IGFL2: variants seen among roughly 807,000 people sequenced by gnomAD.
The protein encoded by IGFL2 is IGF like family member 2.
Under a neutral mutation model 13.9 loss-of-function variants are expected in IGFL2, and 7 were observed. The ratio of observed to expected loss-of-function variants is 0.51; its 90% CI spans 0.29 to 0.95. IGFL2 has a LOEUF of 0.95. Ranked by LOEUF, IGFL2 falls within the 40% of genes least tolerant of loss-of-function variation. The pLI is 0.08. For synonymous variants in IGFL2, 55 were observed against 55.8 expected (o/e 0.99, Z 0.07); for missense variants, 138 against 147.8 (o/e 0.93, Z 0.34).
chr19:46,148,930 C>A, intron 1 of IGFL2: 1 of 1,558,018 alleles, frequency 6.4e-7, no homozygotes, highest in South Asian at 1.2e-5. Flanking sequence ...CCAGACCCAG[C>A]CCTGTAGCCC....
the IGFL2 span, among the ~76,000 whole-genome samples, chr19:46,098,638 C>T: frequency 6.6e-6 from 1 of 152,134 alleles, no homozygotes; most frequent in Admixed American, 6.5e-5. Flanking sequence ...GCCACCATGC[C>T]TGGCTAATTT....
the IGFL2 span, among the ~76,000 whole-genome samples, chr19:46,085,960 T>C: frequency 1.3e-5 from 2 of 152,330 alleles, no homozygotes; most frequent in Non-Finnish European, 2.9e-5. Flanking sequence ...ATTTTATTGC[T>C]TTAATAGTGC....
At chr19:46,138,323 C>G (rs1253719171), upstream of IGFL2, among the ~76,000 whole-genome samples, 2 of 152,224 alleles carry the variant, frequency 1.3e-5, no homozygotes, top group Admixed American at 6.5e-5. Flanking sequence ...GCTGCATCGT[C>G]TAACCCTGGG....
At chr19:46,208,612 G>T in the IGFL2 span, 1 of 152,186 alleles carries the variant, frequency 6.6e-6, no homozygotes, top group South Asian at 2.1e-4. Context: ...ATGTGTCAGG[G>T]GAAGGATCTG....
chr19:46,110,812 C>T, the IGFL2 span, among the ~76,000 whole-genome samples: 11 of 152,134 alleles, frequency 7.2e-5, no homozygotes, highest in Admixed American at 7.2e-4. Context: ...TGATACGATA[C>T]ATCATGATCT....
At chr19:46,108,924 G>T in the IGFL2 span, among the ~76,000 whole-genome samples, 1 of 152,236 alleles carries the variant, frequency 6.6e-6, no homozygotes, top group Non-Finnish European at 1.5e-5. Flanking sequence ...GGAGAAGAGA[G>T]TGAAAAGACC....
At chr19:46,116,701 GT>G in the IGFL2 span, among the ~76,000 whole-genome samples, 1 of 152,136 alleles carries the variant, frequency 6.6e-6, no homozygotes, top group Non-Finnish European at 1.5e-5. Context: ...TAATGGACAA[GT>G]TATAATTGTG....
Position 46,160,468 on chromosome 19 carries a change from G to A in IGFL2, c.73G>A (p.Ala25Thr), listed in dbSNP as rs770049879. The A allele has an allele frequency of 1.4e-4, 222 of 1,613,594 alleles. No homozygotes were observed. The highest frequency in any genetic ancestry group is 9.9e-4 in the Middle Eastern group (6 of 6,084). The change falls in exon 2 of 4, where the codon GCT (alanine) becomes ACT (threonine). Residue 25 changes from alanine (A) to threonine (T), a missense_variant and splice_region_variant. Coordinates refer to ENST00000377693, the MANE Select transcript of IGFL2 (RefSeq NM_001135113.2). The stretch of plus-strand genomic sequence containing the variant: ...CCTCTTGTGTCCAAGGGAAGTCATC[G>A]GTGAGTACAAGGATGGGCAAGAGTG... ...LLLLCPREVIAPAGSEPWLCQ... is the reference protein window; with the variant it reads ...LLLLCPREVITPAGSEPWLCQ...
At chr19:46,194,283 C>T in the IGFL2 span, among the ~76,000 whole-genome samples, 5 of 152,074 alleles carry the variant, frequency 3.3e-5, no homozygotes, top group Admixed American at 6.5e-5. Flanking sequence ...GTTGACTCCA[C>T]GGTCTGCAAG....
upstream of IGFL2, among the ~76,000 whole-genome samples, chr19:46,144,459 C>T (rs1472593235): frequency 6.6e-6 from 1 of 152,042 alleles, no homozygotes; most frequent in Non-Finnish European, 1.5e-5. Flanking sequence ...CGTATCATAT[C>T]GTATCATATC....
the IGFL2 span, among the ~76,000 whole-genome samples, chr19:46,117,536 T>C: frequency 6.6e-6 from 1 of 152,144 alleles, no homozygotes; most frequent in Non-Finnish European, 1.5e-5. Context: ...TAAAGTGCAG[T>C]GGTATAATCA....
the IGFL2 span, among the ~76,000 whole-genome samples, chr19:46,103,019 A>G: frequency 2.0e-5 from 3 of 152,204 alleles, no homozygotes; most frequent in African/African-American, 7.2e-5. Flanking sequence ...GTATGAATTG[A>G]GAAACTAAAC....
the IGFL2 span, among the ~76,000 whole-genome samples, chr19:46,169,355 T>A: frequency 6.6e-6 from 1 of 152,170 alleles, no homozygotes; most frequent in Non-Finnish European, 1.5e-5. Context: ...TTCAATTGAA[T>A]GCAGTGATAG....
the IGFL2 span, among the ~76,000 whole-genome samples, chr19:46,089,888 A>G: frequency 8.5e-5 from 13 of 152,070 alleles, no homozygotes; most frequent in South Asian, 2.7e-3. Flanking sequence ...CTGGATATTT[A>G]CATCTTTCTC....
the IGFL2 span, among the ~76,000 whole-genome samples, chr19:46,167,748 T>A: frequency 1.3e-5 from 2 of 152,194 alleles, no homozygotes; most frequent in African/African-American, 4.8e-5. Flanking sequence ...GGCCCTGATC[T>A]GATAGGATTG....
chr19:46,180,999 C>T, the IGFL2 span, among the ~76,000 whole-genome samples: 12 of 152,208 alleles, frequency 7.9e-5, no homozygotes, highest in African/African-American at 2.7e-4. Context: ...TGAATCTCCT[C>T]TGGCAATGCC....
the IGFL2 span, among the ~76,000 whole-genome samples, chr19:46,119,003 C>T: frequency 3.3e-5 from 5 of 152,098 alleles, no homozygotes; most frequent in Non-Finnish European, 7.4e-5. Context: ...ATACTCAACA[C>T]CCTGCTATGG....
chr19:46,112,848 G>C, the IGFL2 span: 1 of 152,146 alleles, frequency 6.6e-6, no homozygotes, highest in Non-Finnish European at 1.5e-5. Flanking sequence ...GCTCATACTT[G>C]GTAATGGTGT....
chr19:46,143,643 C>T (rs1229735359), upstream of IGFL2, among the ~76,000 whole-genome samples: 1 of 152,222 alleles, frequency 6.6e-6, no homozygotes, highest in Non-Finnish European at 1.5e-5. Context: ...CCAATCCACA[C>T]ATTGTTCAAG....
Sources: gnomAD v4.1 joint callset for allele counts (sites outside exome capture counted in the v4.1 genomes callset) on GRCh38, gnomAD v4.1.1 for gene constraint, MANE v1.5 for transcripts, NCBI Gene and HGNC (gene_info 2026-07-23, HGNC 2026-07-21) for gene names.